Variants in PRDM2 observed in about 807,000 individuals in gnomAD.
PRDM2 encodes PR domain zinc finger protein 2.
PRDM2 carries 30 observed loss-of-function variants against 130.0 expected under a neutral mutation model. The observed-to-expected ratio is 0.23, with a 90% CI of 0.17 to 0.31. The LOEUF is 0.31. Ranked by LOEUF, PRDM2 falls within the 10% of genes least tolerant of loss-of-function variation. The pLI is 1.00. For missense variants in PRDM2, 2,011 were observed against 2,108.4 expected (o/e 0.95, Z 0.90); for synonymous variants, 871 against 782.4 (o/e 1.11, Z -1.89).
At chr1:13,706,144 G>A (rs1642205010) in intron 1 of PRDM2, among the ~76,000 whole-genome samples, 1 of 151,928 alleles carries the variant, frequency 6.6e-6, no homozygotes, top group East Asian at 1.9e-4. Context: ...TTTACCTCCT[G>A]TTCAGTTAGC....
In PRDM2 at chr1:13,742,535, T is replaced by A. The variant is rs139436070; in HGVS notation, c.384+378T>A. On this transcript the variant is annotated intron_variant, in intron 5 of 9. Transcript: ENST00000311066. ...ATTTTTCTAATGCTGTCCTTAGTTG[T>A]GACTGACAATGACTTTGCAGACCTG... Among the ~76,000 whole-genome samples the A allele has an allele frequency of 4.4e-3, 664 of 152,334 alleles. 5 individuals carry two copies. The highest frequency in any genetic ancestry group is 0.015 in the African/African-American group (640 of 41,594).
At chr1:13,717,026 G>T (rs1341847176) in intron 2 of PRDM2, among the ~76,000 whole-genome samples, 1 of 152,036 alleles carries the variant, frequency 6.6e-6, no homozygotes, top group Non-Finnish European at 1.5e-5. Context: ...TCAGTCCTGT[G>T]CTGCATTGAG....
At chr1:13,750,221 G>C (rs776804958) in intron 6 of PRDM2, among the ~76,000 whole-genome samples, 3 of 151,508 alleles carry the variant, frequency 2.0e-5, no homozygotes, top group Non-Finnish European at 4.4e-5. Context: ...TTGGTTGGCT[G>C]TATCATATTT....
chr1:13,813,193 CAGA>C (rs1428345097), intron 8 of PRDM2, among the ~76,000 whole-genome samples: 1 of 152,194 alleles, frequency 6.6e-6, no homozygotes, highest in Non-Finnish European at 1.5e-5. Flanking sequence ...TCCCGATTTG[CAGA>C]AGATCAACCT....
chr1:13,727,041 C>T (rs61775106), intron 2 of PRDM2, among the ~76,000 whole-genome samples: 1 of 152,148 alleles, frequency 6.6e-6, no homozygotes. Flanking sequence ...CTTACCCCTG[C>T]CTGCCCCTCC....
intron 6 of PRDM2, among the ~76,000 whole-genome samples, chr1:13,765,613 G>A (rs1051329983): frequency 1.1e-4 from 16 of 152,114 alleles, no homozygotes; most frequent in African/African-American, 2.9e-4. Flanking sequence ...TTACAGGCGC[G>A]GTGGTACCGC....
chr1:13,731,047 C>G lies in PRDM2; in HGVS notation c.57C>G (p.Pro19=), dbSNP rs141454992. ...CCACCGAGACCCTGGCTGAGGTACC[C>G]GAACATGTGCTGCGAGGACTTCCGG... The part of the protein sequence containing the change: ...VAATETLAEV[P]EHVLRGLPEE... Residue 19 remains proline (P), a synonymous_variant, in exon 3 of 10, where the codon CCC becomes CCG. Coordinates refer to ENST00000311066, the MANE Select transcript of PRDM2 (RefSeq NM_001393986.1). The G allele has an allele frequency of 6.8e-4, 1,092 of 1,612,824 alleles. 1 individual carries two copies. Among genetic ancestry groups the G allele is most frequent in the Middle Eastern group, 3.8e-3 (23 of 6,058 alleles).
At chr1:13,810,737 G>A (rs930374755) in intron 8 of PRDM2, among the ~76,000 whole-genome samples, 4 of 151,824 alleles carry the variant, frequency 2.6e-5, no homozygotes, top group East Asian at 2.0e-4. Flanking sequence ...CTCGTGATCC[G>A]CCCGCCTCGG....
intron 5 of PRDM2, among the ~76,000 whole-genome samples, 154 bp from the exon 6 acceptor site, chr1:13,749,207 G>A (rs1403109240): frequency 6.6e-6 from 1 of 150,948 alleles, no homozygotes; most frequent in Non-Finnish European, 1.5e-5. Context: ...GCCCGCACGG[G>A]GCCGGGAGCC....
intron 8 of PRDM2, among the ~76,000 whole-genome samples, chr1:13,785,834 CTTTTTTTTTTTT>C (rs537560305): frequency 2.6e-5 from 3 of 115,110 alleles, no homozygotes; most frequent in Non-Finnish European, 5.6e-5. Flanking sequence ...TTTTTGGGTT[CTTTTTTTTTTTT>C]TTTTTTTAAT....
At chr1:13,700,687 C>T (rs769023751) in intron 1 of PRDM2, among the ~76,000 whole-genome samples, 1 of 152,024 alleles carries the variant, frequency 6.6e-6, no homozygotes, top group Non-Finnish European at 1.5e-5. Context: ...GGCCGGGCGC[C>T]GTCCCAATTG....
At chr1:13,805,624 C>T (rs1274795522) in intron 8 of PRDM2, among the ~76,000 whole-genome samples, 1 of 152,232 alleles carries the variant, frequency 6.6e-6, no homozygotes, top group Non-Finnish European at 1.5e-5. Flanking sequence ...CACCCTCTGC[C>T]TTTCCCCTAC....
chr1:13,708,605 C>T (rs933743791), intron 1 of PRDM2, among the ~76,000 whole-genome samples: 3 of 152,174 alleles, frequency 2.0e-5, no homozygotes, highest in African/African-American at 7.2e-5. Flanking sequence ...CGATAGTTGT[C>T]TGTCTGTCGT....
At chr1:13,745,036 T>G (rs1305250692) in intron 5 of PRDM2, among the ~76,000 whole-genome samples, 2 of 152,252 alleles carry the variant, frequency 1.3e-5, no homozygotes, top group Admixed American at 1.3e-4. Context: ...AAATCTGCTA[T>G]CTATTCATTT....
chr1:13,759,770 C>T lies in PRDM2; in HGVS notation c.511+10283C>T, dbSNP rs76971798. On this transcript the variant is annotated intron_variant, in intron 6 of 9. Transcript: ENST00000311066. ...AACAATCTCCTTGACTGTTTACACA[C>T]GATGGACTGTAATTTTTGTAGGATT... Among the ~76,000 whole-genome samples, 1,234 of 152,188 alleles carry T rather than the reference C, an allele frequency of 8.1e-3. 22 individuals are homozygous for T. Among genetic ancestry groups the T allele is most frequent in the African/African-American group, 0.027 (1,109 of 41,518 alleles).
rs543253842 is a variant in PRDM2, at chr1:13,740,590, G to A, written c.232-1415G>A. On this transcript the variant is annotated intron_variant, in intron 4 of 9. Transcript: ENST00000311066. ...TCAAGGAAGGCAGTGATACACAGAA[G>A]ACAAGGAGATCTGAGTCGAAGCCTT... Among the ~76,000 whole-genome samples the A allele has an allele frequency of 1.1e-4, 17 of 152,336 alleles. No individual in the cohort carries two copies. The East Asian group carries it at 3.1e-3, about 28-fold the overall frequency.
chr1:13,812,074 A>G (rs1645181483), intron 8 of PRDM2, among the ~76,000 whole-genome samples: 1 of 152,014 alleles, frequency 6.6e-6, no homozygotes, highest in African/African-American at 2.4e-5. Context: ...CTGGGCAGTG[A>G]TGTGGTCCAG....
intron 7 of PRDM2, among the ~76,000 whole-genome samples, chr1:13,775,177 T>C (rs1158721694): frequency 1.3e-5 from 2 of 152,238 alleles, no homozygotes; most frequent in African/African-American, 4.8e-5. Flanking sequence ...AGTGCGTGGA[T>C]CCACTCTGGC....
chr1:13,815,153 C>T (rs1645237072), intron 8 of PRDM2, among the ~76,000 whole-genome samples: 1 of 152,188 alleles, frequency 6.6e-6, no homozygotes, highest in Admixed American at 6.5e-5. Context: ...GTTGCCCAGG[C>T]TGGTGTACAA....
Sources: allele counts gnomAD v4.1 joint callset (sites outside exome capture counted in the v4.1 genomes callset), GRCh38; gene constraint gnomAD v4.1.1; transcripts MANE v1.5; gene names NCBI Gene and HGNC (gene_info 2026-07-23, HGNC 2026-07-21).